TMEM232: variants seen among roughly 807,000 people sequenced by gnomAD.
TMEM232 encodes the protein transmembrane protein 232.
In TMEM232, 80 loss-of-function variants were observed where a neutral mutation model predicts 78.8. The ratio of observed to expected loss-of-function variants is 1.01; its 90% CI spans 0.85 to 1.22. TMEM232 has a LOEUF of 1.22. Ranked by LOEUF, TMEM232 falls within the 50% of genes most tolerant of loss-of-function variation. The pLI, the probability that TMEM232 is intolerant of heterozygous loss-of-function variation, is 0.00. For synonymous variants in TMEM232, 297 were observed against 254.3 expected, an observed-to-expected ratio of 1.17 and a Z score of -1.60; for missense variants, 881 against 742.2, an observed-to-expected ratio of 1.19 and a Z score of -2.17.
intron 12 of TMEM232, among the ~76,000 whole-genome samples, chr5:110,503,162 A>G (rs1766461352): frequency 1.3e-5 from 2 of 152,202 alleles, no homozygotes; most frequent in South Asian, 4.1e-4. Flanking sequence ...TCTGACAGCT[A>G]GACTGTCTTG....
At chr5:110,560,498 G>C (rs1323343722) in intron 11 of TMEM232, among the ~76,000 whole-genome samples, 1 of 152,090 alleles carries the variant, frequency 6.6e-6, no homozygotes, top group Non-Finnish European at 1.5e-5. Flanking sequence ...CCAACGGCCA[G>C]AGCTGGAACA....
At chr5:110,398,084 C>T (rs1755456277) in intron 2 of TMEM232, among the ~76,000 whole-genome samples, 2 of 152,126 alleles carry the variant, frequency 1.3e-5, no homozygotes, top group South Asian at 4.1e-4. Context: ...TTTCAAATTA[C>T]CCTATTACCA....
chr5:110,492,755 A>G (rs916553488), intron 12 of TMEM232, among the ~76,000 whole-genome samples: 1 of 151,490 alleles, frequency 6.6e-6, no homozygotes, highest in Non-Finnish European at 1.5e-5. Context: ...TACTCTACAG[A>G]GAGATATTAG....
intron 10 of TMEM232, among the ~76,000 whole-genome samples, chr5:110,582,536 C>A (rs1332118503): frequency 2.0e-5 from 3 of 151,764 alleles, no homozygotes; most frequent in Non-Finnish European, 1.5e-5. Context: ...GAGGCAGTGG[C>A]TGAAATACTA....
intron 2 of TMEM232, chr5:110,397,968 A>C (rs1561454700): frequency 6.6e-6 from 1 of 152,540 alleles, no homozygotes; most frequent in Non-Finnish European, 1.5e-5. Context: ...GAGAGGCTGT[A>C]GAATTCCATG....
At chr5:110,493,457 C>T (rs1273552088) in intron 12 of TMEM232, among the ~76,000 whole-genome samples, 2 of 150,422 alleles carry the variant, frequency 1.3e-5, no homozygotes, top group African/African-American at 2.4e-5. Context: ...ACTAAAATGA[C>T]ATGATATTAA....
At chr5:110,568,334 T>TGTAA (rs1411450143) in intron 11 of TMEM232, 113 bp downstream of exon 11, 5 of 988,438 alleles carry the variant, frequency 5.1e-6, no homozygotes, top group Admixed American at 6.7e-5. Flanking sequence ...TATTCTCACC[T>TGTAA]GTAAGTCATT....
chr5:110,561,071 C>T (rs1013032646), intron 11 of TMEM232, among the ~76,000 whole-genome samples: 88 of 152,150 alleles, frequency 5.8e-4, no homozygotes, highest in African/African-American at 2.0e-3. Context: ...AAAATTATTA[C>T]ATAAAATTTA....
chr5:110,700,786 G>GTAGATAGATAGATAGATAGA (rs34938658), intron 1 of TMEM232, among the ~76,000 whole-genome samples: 70 of 142,610 alleles, frequency 4.9e-4, no homozygotes, highest in African/African-American at 6.3e-4. Flanking sequence ...AGATAGATAG[G>GTAGATAGATAGATAGATAGA]TAGATAGATA....
intron 11 of TMEM232, among the ~76,000 whole-genome samples, chr5:110,547,281 T>C (rs1773896904): frequency 6.6e-6 from 1 of 152,176 alleles, no homozygotes; most frequent in African/African-American, 2.4e-5. Flanking sequence ...ATGTTTGTTC[T>C]TTTACTCAGC....
chr5:110,687,791 TG>T (rs1219499277), intron 1 of TMEM232, among the ~76,000 whole-genome samples: 1 of 152,076 alleles, frequency 6.6e-6, no homozygotes, highest in Non-Finnish European at 1.5e-5. Context: ...AAATCCTAAT[TG>T]CAAACCTTTG....
intron 11 of TMEM232, among the ~76,000 whole-genome samples, chr5:110,558,034 T>A (rs1281583824): frequency 6.6e-6 from 1 of 152,190 alleles, no homozygotes; most frequent in African/African-American, 2.4e-5. Flanking sequence ...TAACTGGTTT[T>A]GTTTCTGAAT....
At chr5:110,472,547 G>C (rs1274579064) in intron 12 of TMEM232, among the ~76,000 whole-genome samples, 3 of 151,728 alleles carry the variant, frequency 2.0e-5, no homozygotes, top group Non-Finnish European at 4.4e-5. Flanking sequence ...AGAAAAAATA[G>C]GGATCCTAAA....
chr5:110,627,965 T>C (rs1028588465), intron 5 of TMEM232, 85 bp from the exon 6 acceptor site: 1 of 936,176 alleles, frequency 1.1e-6, no homozygotes, highest in South Asian at 1.6e-5. Context: ...CATTATATTA[T>C]TACATTTTCT....
At chr5:110,556,479 C>T (rs1410406008) in intron 11 of TMEM232, among the ~76,000 whole-genome samples, 2 of 151,956 alleles carry the variant, frequency 1.3e-5, no homozygotes, top group African/African-American at 4.8e-5. Flanking sequence ...CCTCTGCCTC[C>T]CAGAATCAAG....
chr5:110,467,315 A>G (rs1015799688), intron 12 of TMEM232, among the ~76,000 whole-genome samples: 1 of 152,192 alleles, frequency 6.6e-6, no homozygotes, highest in African/African-American at 2.4e-5. Context: ...CTAAAAATCT[A>G]GGCTTTTCCC....
intron 1 of TMEM232, among the ~76,000 whole-genome samples, chr5:110,713,903 A>G (rs1057261388): frequency 6.6e-6 from 1 of 152,146 alleles, no homozygotes; most frequent in South Asian, 2.1e-4. Flanking sequence ...CTTAAACCCC[A>G]AATCACCAGC....
intron 1 of TMEM232, among the ~76,000 whole-genome samples, chr5:110,680,354 G>A (rs1792567537): frequency 7.4e-6 from 1 of 135,764 alleles, no homozygotes; most frequent in Admixed American, 8.3e-5. Context: ...CCAATGCTGT[G>A]CCACTGCACT....
intron 11 of TMEM232, among the ~76,000 whole-genome samples, chr5:110,539,060 C>G (rs1174475578): frequency 6.6e-6 from 1 of 152,152 alleles, no homozygotes; most frequent in Non-Finnish European, 1.5e-5. Flanking sequence ...ACAATGTAAG[C>G]ATCACCTGGC....
Sources: gnomAD v4.1 joint callset for allele counts (sites outside exome capture counted in the v4.1 genomes callset) on GRCh38, gnomAD v4.1.1 for gene constraint, MANE v1.5 for transcripts, NCBI Gene and HGNC (gene_info 2026-07-23, HGNC 2026-07-21) for gene names.